The following MACROD2 variants were observed in gnomAD, a reference collection of about 807,000 sequenced individuals.
MACROD2 encodes the protein ADP-ribose glycohydrolase MACROD2.
A neutral mutation model predicts 70.4 loss-of-function variants in MACROD2; 36 were observed. The ratio of observed to expected loss-of-function variants is 0.51; its 90% CI spans 0.39 to 0.68. The LOEUF is 0.68. MACROD2 is among the 30% of genes least tolerant of loss of function. MACROD2 has a pLI of 0.00. For missense variants in MACROD2, 496 were observed against 538.4 expected (o/e 0.92, Z 0.78); for synonymous variants, 172 against 178.8 (o/e 0.96, Z 0.30).
intron 8 of MACROD2, among the ~76,000 whole-genome samples, chr20:15,630,143 G>A (rs969771619): frequency 6.6e-6 from 1 of 152,172 alleles, no homozygotes; most frequent in African/African-American, 2.4e-5. Context: ...ATATTTTCAA[G>A]TATGAAAGTA....
chr20:14,353,389 A>G (rs1353317182), intron 3 of MACROD2, among the ~76,000 whole-genome samples: 1 of 152,166 alleles, frequency 6.6e-6, no homozygotes, highest in Non-Finnish European at 1.5e-5. Flanking sequence ...ATAAGACTGC[A>G]AGGAACATTC....
chr20:15,481,545 T>G (rs2047097562), intron 7 of MACROD2, among the ~76,000 whole-genome samples: 1 of 152,202 alleles, frequency 6.6e-6, no homozygotes, highest in African/African-American at 2.4e-5. Flanking sequence ...ATCTCAAATA[T>G]GAATGGTACT....
At chr20:14,807,307 G>A (rs1418321440) in intron 5 of MACROD2, among the ~76,000 whole-genome samples, 3 of 152,070 alleles carry the variant, frequency 2.0e-5, no homozygotes, top group African/African-American at 7.2e-5. Context: ...AAGAAGGCCT[G>A]GAGTCTAACC....
intron 15 of MACROD2, among the ~76,000 whole-genome samples, chr20:16,026,172 A>G (rs2067077912): frequency 6.6e-6 from 1 of 151,752 alleles, no homozygotes; most frequent in African/African-American, 2.4e-5. Flanking sequence ...AAAACAACAA[A>G]CAAACAAACA....
At chr20:15,276,217 G>A (rs898349597) in intron 6 of MACROD2, among the ~76,000 whole-genome samples, 14 of 151,938 alleles carry the variant, frequency 9.2e-5, no homozygotes, top group Admixed American at 2.0e-4. Flanking sequence ...TGGCTAACAC[G>A]GTGAAACCCC....
chr20:15,110,293 T>A (rs2075944698), intron 5 of MACROD2, among the ~76,000 whole-genome samples: 1 of 152,156 alleles, frequency 6.6e-6, no homozygotes, highest in African/African-American at 2.4e-5. Context: ...CTCAATCATG[T>A]TTAATTAACT....
intron 3 of MACROD2, among the ~76,000 whole-genome samples, chr20:14,486,387 C>G (rs1209320528): frequency 6.6e-6 from 1 of 151,964 alleles, no homozygotes; most frequent in Admixed American, 6.6e-5. Flanking sequence ...CAACTAGAGA[C>G]AGATGTTAAG....
At position 15,867,512 on chromosome 20, in the gene MACROD2, C is replaced by T. The variant is rs562595498; in HGVS notation, c.727+4686C>T. ...CAAATAATTTATAGTTACAGTGCAC[C>T]ATTACATGGCCTACAGCAAATAATA... On this transcript the variant is annotated intron_variant, in intron 9 of 17. Coordinates refer to ENST00000684519, the MANE Select transcript of MACROD2 (RefSeq NM_001351661.2). 9.5e-4 allele frequency among the ~76,000 whole-genome samples: 144 copies of T among 152,214 alleles called. No homozygotes were observed. In the Middle Eastern group the frequency reaches 0.01, roughly 11 times the overall value.
intron 3 of MACROD2, among the ~76,000 whole-genome samples, chr20:14,330,288 T>G (rs536475980): frequency 2.0e-5 from 3 of 152,136 alleles, no homozygotes; most frequent in African/African-American, 7.2e-5. Flanking sequence ...TTTTGAGAGT[T>G]TAGAGGAGGT....
intron 8 of MACROD2, among the ~76,000 whole-genome samples, chr20:15,659,199 AG>A (rs1182088494): frequency 6.7e-6 from 1 of 149,052 alleles, no homozygotes; most frequent in Non-Finnish European, 1.5e-5. Flanking sequence ...CTTGGTTTGT[AG>A]GTATATGATA....
At chr20:14,775,218 A>G (rs1423521452) in intron 5 of MACROD2, among the ~76,000 whole-genome samples, 3 of 152,110 alleles carry the variant, frequency 2.0e-5, no homozygotes, top group East Asian at 3.8e-4. Context: ...GAATGAAGGT[A>G]TTGTACACAT....
At chr20:14,293,475 G>A (rs944428660) in intron 3 of MACROD2, among the ~76,000 whole-genome samples, 1 of 151,780 alleles carries the variant, frequency 6.6e-6, no homozygotes, top group African/African-American at 2.4e-5. Flanking sequence ...CCTTAATGAC[G>A]AGAAGGAGTT....
At chr20:14,313,402 G>A (rs1311420035) in intron 3 of MACROD2, among the ~76,000 whole-genome samples, 1 of 149,154 alleles carries the variant, frequency 6.7e-6, no homozygotes, top group African/African-American at 2.5e-5. Flanking sequence ...AATTATTAAA[G>A]ATTTACTGTA....
At chr20:15,129,013 C>CT (rs1568589225) in intron 5 of MACROD2, among the ~76,000 whole-genome samples, 2 of 151,760 alleles carry the variant, frequency 1.3e-5, no homozygotes, top group African/African-American at 4.8e-5. Flanking sequence ...ATATAACCTT[C>CT]TTTTTTAGTG....
intron 5 of MACROD2, among the ~76,000 whole-genome samples, chr20:14,921,582 T>C (rs1355418488): frequency 6.6e-6 from 1 of 152,188 alleles, no homozygotes; most frequent in African/African-American, 2.4e-5. Flanking sequence ...TAATTTCTGC[T>C]CCAGATGCTG....
intron 5 of MACROD2, among the ~76,000 whole-genome samples, chr20:14,908,686 T>C (rs1274975236): frequency 1.3e-5 from 2 of 152,194 alleles, no homozygotes; most frequent in East Asian, 3.9e-4. Context: ...AAGTGTATCT[T>C]CAGAGTGAAC....
At chr20:15,295,595 T>A (rs931509321) in intron 6 of MACROD2, among the ~76,000 whole-genome samples, 1 of 147,938 alleles carries the variant, frequency 6.8e-6, no homozygotes, top group African/African-American at 2.5e-5. Flanking sequence ...ATGTCTGTCA[T>A]CACACACACA....
chr20:15,590,876 A>G (rs1312253751), intron 8 of MACROD2, among the ~76,000 whole-genome samples: 1 of 151,780 alleles, frequency 6.6e-6, no homozygotes, highest in East Asian at 1.9e-4. Context: ...CTGTCAAAAA[A>G]AAAAGAAAGA....
At chr20:14,501,067 A>T (rs1318094067) in intron 4 of MACROD2, among the ~76,000 whole-genome samples, 1 of 152,080 alleles carries the variant, frequency 6.6e-6, no homozygotes, top group East Asian at 1.9e-4. Context: ...AAACTTCAGA[A>T]ATGCTTTTAA....
Sources: gnomAD v4.1 joint callset for allele counts (sites outside exome capture counted in the v4.1 genomes callset) on GRCh38, gnomAD v4.1.1 for gene constraint, MANE v1.5 for transcripts, NCBI Gene and HGNC (gene_info 2026-07-23, HGNC 2026-07-21) for gene names.